ESF1: variants seen among roughly 807,000 people sequenced by gnomAD.
The protein encoded by ESF1 is ESF1 nucleolar pre-rRNA processing protein.
Under a neutral mutation model 92.0 loss-of-function variants are expected in ESF1, and 58 were observed. That is an observed-to-expected ratio of 0.63 (90% CI 0.51 to 0.78). The LOEUF (loss-of-function observed/expected upper bound fraction) is 0.78. Ranked by LOEUF, ESF1 falls within the 30% of genes least tolerant of loss-of-function variation. The pLI, the probability that ESF1 is intolerant of heterozygous loss-of-function variation, is 0.00. For missense variants in ESF1, 922 were observed against 989.1 expected (o/e 0.93, Z 0.91); for synonymous variants, 321 against 313.7 (o/e 1.02, Z -0.24).
intron 9 of ESF1, among the ~76,000 whole-genome samples, chr20:13,750,271 G>A (rs1412424611): frequency 1.3e-5 from 2 of 152,162 alleles, no homozygotes; most frequent in East Asian, 1.9e-4. Flanking sequence ...CTGGAAGGCC[G>A]AGGTGGGTGG....
intron 9 of ESF1, 55 bp downstream of exon 9, chr20:13,759,637 G>A (rs907432427): frequency 3.2e-6 from 5 of 1,550,736 alleles, no homozygotes; most frequent in African/African-American, 2.8e-5. Context: ...TATTTAAAAG[G>A]TACTCAACAT....
rs775864914 is a variant in ESF1, at chr20:13,783,040, A to G, written c.101T>C (p.Ile34Thr). Reference protein sequence around the residue: ...EMPEKDRKVKIDKRFRAMFHD... With the variant: ...EMPEKDRKVKTDKRFRAMFHD... ...AAACATGGCTCGAAATCTCTTGTCAATTTTGACTTTTCGATCCTTTTCTGG... is the reference window on the plus strand; with the variant it reads ...AAACATGGCTCGAAATCTCTTGTCAGTTTTGACTTTTCGATCCTTTTCTGG... Residue 34 changes from isoleucine to threonine, a missense_variant, in exon 2 of 14, where the codon ATT becomes ACT. By Grantham distance (89) the Ile-to-Thr change is moderately conservative. Transcript: ENST00000617257. 5.6e-6 allele frequency: 9 copies of G among 1,613,984 alleles called. No individual in the cohort carries two copies. Among genetic ancestry groups the G allele is most frequent in the East Asian group, 2.2e-5 (1 of 44,886 alleles).
At chr20:13,746,313 T>A (rs1377929812) in intron 9 of ESF1, among the ~76,000 whole-genome samples, 1 of 152,202 alleles carries the variant, frequency 6.6e-6, no homozygotes, top group Non-Finnish European at 1.5e-5. Flanking sequence ...TATATAAATA[T>A]ATACACACAT....
chr20:13,767,262 C>A (rs1430582090), intron 7 of ESF1, among the ~76,000 whole-genome samples: 2 of 152,226 alleles, frequency 1.3e-5, no homozygotes, highest in Non-Finnish European at 2.9e-5. Flanking sequence ...CATGGTGGCT[C>A]ACACTTGTAA....
At chr20:13,755,050 G>A (rs1385608660) in intron 9 of ESF1, among the ~76,000 whole-genome samples, 3 of 152,198 alleles carry the variant, frequency 2.0e-5, no homozygotes, top group East Asian at 1.9e-4. Context: ...TTATATATCT[G>A]TCATCTGTTT....
At chr20:13,765,539 T>C (rs1385696772) in intron 8 of ESF1, among the ~76,000 whole-genome samples, 1 of 152,132 alleles carries the variant, frequency 6.6e-6, no homozygotes. Flanking sequence ...AAGTCAATTG[T>C]GGTTTTAGCA....
rs182753309 is a variant in ESF1 at position 13,783,165 on chromosome 20, T to C, written c.-25A>G. On this transcript the variant is annotated 5_prime_UTR_variant, in exon 2 of 14. Coordinates refer to ENST00000617257, the MANE Select transcript of ESF1 (RefSeq NM_001276380.2). ...TTTTTAATTCTTAATCTCGACCAAA[T>C]GCTTGAAGAAAACAAATACTGAAAA... The C allele has an allele frequency of 4.3e-5, 67 of 1,575,830 alleles. No individual in the cohort carries two copies. The African/African-American group carries it at 7.2e-4, about 17-fold the overall frequency.
chr20:13,776,483 A>G (rs990036777), intron 2 of ESF1, among the ~76,000 whole-genome samples: 10 of 152,190 alleles, frequency 6.6e-5, no homozygotes, highest in Middle Eastern at 3.2e-3. Context: ...ACACTTAACC[A>G]AGTTATTTAA....
intron 9 of ESF1, among the ~76,000 whole-genome samples, chr20:13,742,876 T>A (rs372141114): frequency 5.8e-4 from 88 of 152,290 alleles, no homozygotes; most frequent in African/African-American, 1.9e-3. Flanking sequence ...AAAGAAACCC[T>A]GTTCCCGCCC....
Position 13,716,919 on chromosome 20 carries a change from G to A in ESF1, c.2262+449C>T, listed in dbSNP as rs190639952. Among the ~76,000 whole-genome samples, 310 of 144,356 alleles carry A rather than the reference G, an allele frequency of 2.1e-3. 2 individuals carry two copies. Among genetic ancestry groups the A allele is most frequent in the African/African-American group, 6.8e-3 (265 of 39,004 alleles). 94.7% of individuals were successfully genotyped at this position (144,356 alleles called of 152,430 possible). On this transcript the variant is annotated intron_variant, in intron 13 of 13. Transcript: ENST00000617257. ...TGCAAGCTCCGCCTCCTGGGTTCACGCCATTCTCCTGCCTCAGCCTCCTGA... is the reference window on the plus strand; with the variant it reads ...TGCAAGCTCCGCCTCCTGGGTTCACACCATTCTCCTGCCTCAGCCTCCTGA...
At chr20:13,775,098 AAT>A (rs1979867275) in intron 4 of ESF1, 57 bp downstream of exon 4, 10 of 1,229,410 alleles carry the variant, frequency 8.1e-6, no homozygotes, top group South Asian at 1.5e-5. Context: ...AAAAAAAAAA[AAT>A]CAGATTTAAC....
chr20:13,745,475 G>A (rs557229863), intron 9 of ESF1, among the ~76,000 whole-genome samples: 88 of 152,270 alleles, frequency 5.8e-4, no homozygotes, highest in Non-Finnish European at 1.1e-3. Context: ...TTTTAGAGAT[G>A]GAGTCTCGCT....
At chr20:13,717,589 A>C in intron 12 of ESF1, 75 bp from the exon 13 acceptor site, 1 of 1,517,986 alleles carries the variant, frequency 6.6e-7, no homozygotes, top group Middle Eastern at 1.7e-4. Flanking sequence ...TATAGGGCAG[A>C]AGATATCTCT....
At chr20:13,749,232 A>ATTTTTTTTT (rs71188184) in intron 9 of ESF1, among the ~76,000 whole-genome samples, 9 of 89,660 alleles carry the variant, frequency 1.0e-4, no homozygotes, top group Non-Finnish European at 1.4e-4. Context: ...TGCCCGGCTA[A>ATTTTTTTTT]TTTTTTTTTT....
At position 13,728,406 on chromosome 20, in the gene ESF1, TG is replaced by T. The variant is rs2049916273; in HGVS notation, c.2009del (p.Pro670HisfsTer10). On this transcript the variant is annotated frameshift_variant, in exon 11 of 14. Coordinates refer to ENST00000617257, the MANE Select transcript of ESF1 (RefSeq NM_001276380.2). LOFTEE classifies it high-confidence loss of function. ...ELPSDVDLND[P>X]YFAEEVKQIG... ...TTTGTTTAACTTCTTCAGCAAAGTA[TG>T]GGTCATTCAAATCAACATCAGAGGG... The T allele has an allele frequency of 6.2e-6, 10 of 1,613,170 alleles. No individual in the cohort carries two copies. Among genetic ancestry groups the T allele is most frequent in the South Asian group, 1.1e-5 (1 of 90,800 alleles).
chr20:13,740,580 G>T (rs1462524072), intron 9 of ESF1, among the ~76,000 whole-genome samples: 1 of 152,128 alleles, frequency 6.6e-6, no homozygotes, highest in Non-Finnish European at 1.5e-5. Context: ...AGAGAAGATT[G>T]GGAAAATGTA....
intron 9 of ESF1, among the ~76,000 whole-genome samples, chr20:13,745,311 A>G (rs2050041021): frequency 6.6e-6 from 1 of 152,262 alleles, no homozygotes; most frequent in Non-Finnish European, 1.5e-5. Flanking sequence ...CTGTTTCATA[A>G]CAGAAATAAA....
chr20:13,738,117 T>C (rs16994130), intron 9 of ESF1, among the ~76,000 whole-genome samples: 11,057 of 152,218 alleles, frequency 0.073, 438 homozygotes, highest in Non-Finnish European at 0.087. Flanking sequence ...TCCAGATAAG[T>C]AAACGGGATC....
chr20:13,760,498 G>T (rs1405381128), intron 8 of ESF1, among the ~76,000 whole-genome samples: 7 of 151,744 alleles, frequency 4.6e-5, no homozygotes, highest in African/African-American at 1.7e-4. Flanking sequence ...CATCTGAGAA[G>T]TGAGGAGACC....
Sources: gnomAD v4.1 joint callset for allele counts (sites outside exome capture counted in the v4.1 genomes callset) on GRCh38, gnomAD v4.1.1 for gene constraint, MANE v1.5 for transcripts, NCBI Gene and HGNC (gene_info 2026-07-23, HGNC 2026-07-21) for gene names.